Variants in UNC79 observed in about 807,000 individuals in gnomAD.
UNC79 encodes protein unc-79 homolog.
In UNC79, 37 loss-of-function variants were observed where a neutral mutation model predicts 283.1. The ratio of observed to expected loss-of-function variants is 0.13; its 90% CI spans 0.10 to 0.17. The LOEUF is 0.17. Among genes scored for constraint, UNC79 ranks in the 10% least tolerant of loss-of-function variants. The pLI is 1.00. For synonymous variants in UNC79, 1,107 were observed against 1,200.2 expected, an observed-to-expected ratio of 0.92 and a Z score of 1.61; for missense variants, 2,272 against 3,211.1, an observed-to-expected ratio of 0.71 and a Z score of 7.07.
intron 1 of UNC79, among the ~76,000 whole-genome samples, chr14:93,343,232 G>A (rs1436814190): frequency 6.6e-6 from 1 of 152,220 alleles, no homozygotes; most frequent in Non-Finnish European, 1.5e-5. Context: ...AGTTTATAAA[G>A]AAAAGAGGTT....
chr14:93,694,517 G>A, intron 47 of UNC79, 105 bp downstream of exon 50: 1 of 1,090,964 alleles, frequency 9.2e-7, no homozygotes, highest in East Asian at 2.5e-5. Flanking sequence ...AACATTCAGA[G>A]TTGGGGCTGG....
chr14:93,357,671 A>G (rs1056797880), intron 1 of UNC79, among the ~76,000 whole-genome samples: 3 of 105,238 alleles, frequency 2.9e-5, no homozygotes, highest in African/African-American at 1.0e-4. Flanking sequence ...TACTTAATAA[A>G]CTCCCATATA....
intron 1 of UNC79, among the ~76,000 whole-genome samples, chr14:93,419,693 T>C (rs575398836): frequency 6.6e-6 from 1 of 151,862 alleles, no homozygotes; most frequent in East Asian, 1.9e-4. Context: ...TATAAGATAG[T>C]ATTTGTAGGC....
Position 93,580,267 on chromosome 14 carries a change from A to C in UNC79, c.2552A>C (p.Lys851Thr), listed in dbSNP as rs1566696810. The C allele has an allele frequency of 3.1e-6, 5 of 1,614,128 alleles. No individual in the cohort carries two copies. Among genetic ancestry groups the C allele is most frequent in the Admixed American group, 1.7e-5 (1 of 60,012 alleles). Residue 851 changes from lysine to threonine, a missense_variant, in exon 19 of 49, where the codon AAG becomes ACG. Lys to Thr is a moderately conservative substitution (Grantham distance 78). Around this residue, in one of 11 missense-constraint regions of UNC79, gnomAD observed 356 missense variants for 416.2 expected, o/e 0.86. Coordinates refer to ENST00000555664, the Ensembl canonical transcript of UNC79. ...TGGGGGGGATCCCACACCTGCCAGA[A>C]GGACGAAAAAGCAATCGAGTGCAAC...
chr14:93,373,808 A>AAACTAC (rs1280019687), intron 1 of UNC79, among the ~76,000 whole-genome samples: 4 of 152,216 alleles, frequency 2.6e-5, no homozygotes, highest in African/African-American at 9.6e-5. Context: ...GAAAAGAAAA[A>AAACTAC]AACTACAACC....
In UNC79 at chr14:93,690,233, C is replaced by A; in HGVS notation, c.7202C>A (p.Pro2401His). 6.2e-7 allele frequency: 1 copy of A among 1,614,172 alleles called. No homozygotes were observed. Among genetic ancestry groups the A allele is most frequent in the Non-Finnish European group, 8.5e-7 (1 of 1,180,032 alleles). ...GCCTCCTCTCCCTGCCTGCCCATTCCTCTGGATGCAGGCTCCCACGTTGCA... is the reference window on the plus strand; with the variant it reads ...GCCTCCTCTCCCTGCCTGCCCATTCATCTGGATGCAGGCTCCCACGTTGCA... The change falls in exon 45 of 49, where the codon CCT becomes CAT. Residue 2401 changes from proline (P) to histidine (H), a missense_variant. This residue lies in a region of UNC79 where 225 missense variants were observed against 334.2 expected (regional missense o/e 0.67). Transcript: ENST00000555664. The surrounding 1 kb of genome is among the most constrained non-coding windows in gnomAD (Gnocchi z 4.3).
intron 1 of UNC79, among the ~76,000 whole-genome samples, chr14:93,361,673 A>G (rs549399255): frequency 2.0e-5 from 3 of 152,090 alleles, no homozygotes; most frequent in African/African-American, 7.2e-5. Flanking sequence ...TCCTTTTTGG[A>G]TGCCTTTTAT....
At chr14:93,660,497 T>C (rs1328465299) in intron 39 of UNC79, among the ~76,000 whole-genome samples, 1 of 139,400 alleles carries the variant, frequency 7.2e-6, no homozygotes, top group African/African-American at 2.7e-5. Flanking sequence ...CTTTCATCTA[T>C]TGACAATGTT....
chr14:93,360,127 C>T (rs749783844), intron 1 of UNC79, among the ~76,000 whole-genome samples: 1 of 152,078 alleles, frequency 6.6e-6, no homozygotes, highest in Non-Finnish European at 1.5e-5. Flanking sequence ...TGGTCATTTC[C>T]CCAGTGCTAG....
chr14:93,562,595 G>A (rs2062628267), intron 14 of UNC79, among the ~76,000 whole-genome samples: 1 of 152,148 alleles, frequency 6.6e-6, no homozygotes, highest in Non-Finnish European at 1.5e-5. Context: ...TACCTTTCCT[G>A]AAGATTGAGG....
chr14:93,432,834 A>C (rs7156323), intron 1 of UNC79, among the ~76,000 whole-genome samples: 2,655 of 152,326 alleles, frequency 0.017, 40 homozygotes, highest in South Asian at 0.074. Context: ...GTGTAGTTAC[A>C]TATTACGTAA....
intron 1 of UNC79, among the ~76,000 whole-genome samples, chr14:93,373,921 G>A (rs1055082529): frequency 2.0e-5 from 3 of 152,176 alleles, no homozygotes; most frequent in Non-Finnish European, 2.9e-5. Context: ...GACTAAGTGG[G>A]ATTTATCCCA....
chr14:93,566,078 C>T (rs926936767), intron 14 of UNC79, among the ~76,000 whole-genome samples: 1 of 152,102 alleles, frequency 6.6e-6, no homozygotes, highest in Non-Finnish European at 1.5e-5. Flanking sequence ...GGAAAACTCC[C>T]AGTTGCAGCA....
chr14:93,592,726 T>G (rs911303326), intron 22 of UNC79, among the ~76,000 whole-genome samples: 1 of 152,160 alleles, frequency 6.6e-6, no homozygotes, highest in African/African-American at 2.4e-5. Context: ...AAAGGCATAC[T>G]TTAAATAATT....
chr14:93,583,244 T>A (rs1342267269), intron 20 of UNC79, among the ~76,000 whole-genome samples: 1 of 150,624 alleles, frequency 6.6e-6, no homozygotes, highest in Non-Finnish European at 1.5e-5. Flanking sequence ...TCGCTTGAAC[T>A]GGGCAGGCAG....
chr14:93,494,530 G>T (rs991841662), intron 5 of UNC79, among the ~76,000 whole-genome samples: 3 of 152,110 alleles, frequency 2.0e-5, no homozygotes, highest in Admixed American at 1.3e-4. Flanking sequence ...TTGTATTATG[G>T]GTCTGGAGCT....
intron 1 of UNC79, among the ~76,000 whole-genome samples, chr14:93,357,099 A>G (rs752204162): frequency 6.6e-6 from 1 of 152,160 alleles, no homozygotes; most frequent in Non-Finnish European, 1.5e-5. Flanking sequence ...AAGAGAGAGC[A>G]TGTGGTATTT....
chr14:93,391,226 A>G (rs1566908363), intron 1 of UNC79, among the ~76,000 whole-genome samples: 1 of 152,182 alleles, frequency 6.6e-6, no homozygotes, highest in African/African-American at 2.4e-5. Context: ...AATAAAATGT[A>G]TGGGACAAGT....
At chr14:93,413,948 T>A (rs2055396135) in intron 1 of UNC79, among the ~76,000 whole-genome samples, 1 of 150,650 alleles carries the variant, frequency 6.6e-6, no homozygotes, top group Non-Finnish European at 1.5e-5. Flanking sequence ...GATGAGTAGG[T>A]TGTGAAAATT....
Sources: allele counts gnomAD v4.1 joint callset (sites outside exome capture counted in the v4.1 genomes callset), GRCh38; gene constraint gnomAD v4.1.1; regional missense constraint gnomAD v4.1.1; non-coding constraint Gnocchi (gnomAD v3.1); transcripts MANE v1.5; gene names NCBI Gene and HGNC (gene_info 2026-07-23, HGNC 2026-07-21).